IGF1R: variants seen among roughly 807,000 people sequenced by gnomAD.
IGF1R encodes the protein insulin like growth factor 1 receptor.
Under a neutral mutation model 144.6 loss-of-function variants are expected in IGF1R, and 44 were observed. The ratio of observed to expected loss-of-function variants is 0.30; its 90% confidence interval spans 0.24 to 0.39. The LOEUF is 0.39. IGF1R is among the 10% of genes least tolerant of loss of function. The pLI, the probability that IGF1R is intolerant of heterozygous loss-of-function variation, is 1.00. For synonymous variants in IGF1R, 795 were observed against 722.8 expected, an observed-to-expected ratio of 1.10 and a Z score of -1.60; for missense variants, 1,355 against 1,833.7, an observed-to-expected ratio of 0.74 and a Z score of 4.77.
intron 5 of IGF1R, chr15:98,900,908 T>C (rs1203806128): frequency 6.6e-6 from 1 of 152,246 alleles, no homozygotes; most frequent in East Asian, 1.9e-4. Context: ...ATTTTCTTGT[T>C]GCTTAATGAT....
chr15:98,706,922 TA>T (rs1170162632), intron 1 of IGF1R, among the ~76,000 whole-genome samples: 4 of 93,826 alleles, frequency 4.3e-5, no homozygotes, highest in South Asian at 4.3e-4. Flanking sequence ...CTTTTATTCA[TA>T]AAAAAATCAC....
intron 2 of IGF1R, among the ~76,000 whole-genome samples, chr15:98,795,225 G>A (rs933795686): frequency 6.6e-6 from 1 of 152,194 alleles, no homozygotes; most frequent in African/African-American, 2.4e-5. Flanking sequence ...GCGAAAGAGG[G>A]TAGGAAAGGA....
At chr15:98,826,219 T>G (rs916481671) in intron 2 of IGF1R, among the ~76,000 whole-genome samples, 2 of 152,256 alleles carry the variant, frequency 1.3e-5, no homozygotes, top group Non-Finnish European at 2.9e-5. Flanking sequence ...CTAATACTTA[T>G]GTGCATACGC....
In IGF1R at chr15:98,751,188, C is replaced by T. The variant is rs192769560; in HGVS notation, c.640+43081C>T. The stretch of plus-strand genomic sequence containing the variant: ...CATTTAAAAGCCTTTCAGCGACATA[C>T]ACTCCTTATTAGCTTAATTTTTTCT... On this transcript the variant is annotated intron_variant, in intron 2 of 20. Transcript: ENST00000650285. Among the ~76,000 whole-genome samples, 8 of 152,158 alleles carry T rather than the reference C, an allele frequency of 5.3e-5. No individual in the cohort carries two copies. The East Asian group carries it at 1.5e-3, about 29-fold the overall frequency.
chr15:98,843,999 T>G (rs1567157460), intron 2 of IGF1R, among the ~76,000 whole-genome samples: 1 of 152,220 alleles, frequency 6.6e-6, no homozygotes, highest in East Asian at 1.9e-4. Flanking sequence ...TTGTTTGCTT[T>G]TTGCTTAAAC....
intron 2 of IGF1R, among the ~76,000 whole-genome samples, chr15:98,780,708 C>CTAT (rs1268477605): frequency 6.6e-6 from 1 of 152,120 alleles, no homozygotes; most frequent in Admixed American, 6.5e-5. Context: ...TCATGCCTCA[C>CTAT]TATTCACTTT....
chr15:98,712,499 A>T (rs568308392), intron 2 of IGF1R, among the ~76,000 whole-genome samples: 2 of 152,162 alleles, frequency 1.3e-5, no homozygotes, highest in Admixed American at 6.5e-5. Flanking sequence ...TGGAATGGAA[A>T]TGCTGCTTCA....
In IGF1R at chr15:98,891,265, C is replaced by T. The variant is rs1374007997; in HGVS notation, c.641-60C>T. 6.6e-7 allele frequency: 1 copy of T among 1,519,932 alleles called. No individual in the cohort carries two copies. The highest frequency in any genetic ancestry group is 9.0e-7 in the Non-Finnish European group (1 of 1,113,568). The allele number at this position is 1,519,932 out of a possible 1,614,324, so 94.2% of individuals were successfully genotyped here. A position where few individuals can be genotyped will look rare whatever the true frequency, so the allele number is the denominator to read the frequency against. On this transcript the variant is annotated intron_variant, in intron 2 of 20. Transcript: ENST00000650285. The surrounding 1 kb of genome is among the most constrained non-coding windows in gnomAD (Gnocchi z 4.7). ...TGACCCAGAAGGATGCTGGCCAGGC[C>T]CAGAGAAGGCGGTGCCTCCCCTGCC...
chr15:98,878,132 G>A (rs1171522940), intron 2 of IGF1R, among the ~76,000 whole-genome samples: 1 of 152,222 alleles, frequency 6.6e-6, no homozygotes, highest in Non-Finnish European at 1.5e-5. Flanking sequence ...TAATTGCCCA[G>A]AAGTGGGCTC....
At chr15:98,755,732 AAAAAAAAAAAAAAAAAAAAAAG>A (rs2141343133) in intron 2 of IGF1R, among the ~76,000 whole-genome samples, 1 of 126,366 alleles carries the variant, frequency 7.9e-6, no homozygotes, top group African/African-American at 3.6e-5. Context: ...AAAAAAAAAA[AAAAAAAAAAAAAAAAAAAAAAG>A]GCATTACTGC....
At chr15:98,903,410 A>G in intron 5 of IGF1R, among the ~76,000 whole-genome samples, 1 of 152,232 alleles carries the variant, frequency 6.6e-6, no homozygotes. Context: ...ACTGTGCAAC[A>G]CGCAGTGCTT....
intron 2 of IGF1R, among the ~76,000 whole-genome samples, chr15:98,811,723 C>A (rs916786281): frequency 4.0e-5 from 6 of 150,352 alleles, no homozygotes; most frequent in Non-Finnish European, 8.9e-5. Context: ...TCAGGAGATC[C>A]AGACCATCCT....
intron 2 of IGF1R, among the ~76,000 whole-genome samples, chr15:98,808,621 T>G (rs2056516663): frequency 1.3e-5 from 2 of 152,076 alleles, no homozygotes; most frequent in South Asian, 4.2e-4. Flanking sequence ...GTGCCTATAG[T>G]CGTGTGGAAC....
At chr15:98,822,340 G>C (rs1167141359) in intron 2 of IGF1R, among the ~76,000 whole-genome samples, 2 of 152,164 alleles carry the variant, frequency 1.3e-5, no homozygotes, top group Admixed American at 1.3e-4. Flanking sequence ...GAGCAAGTGA[G>C]TACAGGATTG....
At chr15:98,742,132 C>G (rs1269896592) in intron 2 of IGF1R, among the ~76,000 whole-genome samples, 1 of 152,148 alleles carries the variant, frequency 6.6e-6, no homozygotes, top group Non-Finnish European at 1.5e-5. Context: ...AATGGTTCAC[C>G]TGACATTCAG....
At chr15:98,699,014 T>TGAGA (rs1333445587) in intron 1 of IGF1R, among the ~76,000 whole-genome samples, 1 of 152,188 alleles carries the variant, frequency 6.6e-6, no homozygotes, top group East Asian at 1.9e-4. Context: ...ATGAAGCCAG[T>TGAGA]GAGAGGACAG....
chr15:98,840,973 G>T (rs369972105), intron 2 of IGF1R, among the ~76,000 whole-genome samples: 2 of 152,128 alleles, frequency 1.3e-5, no homozygotes, highest in Admixed American at 1.3e-4. Context: ...GAGACACTGC[G>T]CCTGGCCGTC....
rs1467648003 is a variant in IGF1R, at chr15:98,962,926, GAACAT to G, written c.*5488_*5492del. On this transcript the variant is annotated 3_prime_UTR_variant, in exon 21 of 21. Coordinates refer to ENST00000650285, the MANE Select transcript of IGF1R (RefSeq NM_000875.5). The stretch of plus-strand genomic sequence containing the variant: ...TGACTTTAGCGTTTTGTTTCTGCGA[GAACAT>G]AACGATCACTCATTTTTATGTCCCA... 6 of 233,566 alleles carry G rather than the reference GAACAT, an allele frequency of 2.6e-5. No individual in the cohort carries two copies. Among genetic ancestry groups the G allele is most frequent in the African/African-American group, 1.3e-4 (6 of 45,338 alleles). 14.5% of individuals were successfully genotyped at this position (233,566 alleles called of 1,614,324 possible).
At position 98,651,194 on chromosome 15, in the gene IGF1R, C is replaced by T. The variant is rs45617931; in HGVS notation, c.94+1519C>T. ...GAGGAGGCAGCGGAGGTTGTATGGC[C>T]CCATCACCGGGGCAATTCAGAAAGG... On this transcript the variant is annotated intron_variant, in intron 1 of 20. Coordinates refer to ENST00000650285, the MANE Select transcript of IGF1R (RefSeq NM_000875.5). The T allele has an allele frequency of 4.3e-5, 14 of 327,684 alleles. No individual in the cohort carries two copies. The East Asian group carries it at 1.0e-3, about 24-fold the overall frequency. The allele number at this position is 327,684 out of a possible 1,614,324, so 20.3% of individuals were successfully genotyped here. A position where few individuals can be genotyped will look rare whatever the true frequency, so the allele number is the denominator to read the frequency against.
Sources: gnomAD v4.1 joint callset for allele counts (sites outside exome capture counted in the v4.1 genomes callset) on GRCh38, gnomAD v4.1.1 for gene constraint, Gnocchi (gnomAD v3.1) non-coding constraint, MANE v1.5 for transcripts, NCBI Gene and HGNC (gene_info 2026-07-23, HGNC 2026-07-21) for gene names.